SLC2A9: variants seen among roughly 807,000 people sequenced by gnomAD.
The protein encoded by SLC2A9 is solute carrier family 2, facilitated glucose transporter member 9.
Under a neutral mutation model 50.6 loss-of-function variants are expected in SLC2A9, and 39 were observed. The observed-to-expected ratio is 0.77, with a 90% CI of 0.60 to 1.01. The LOEUF (loss-of-function observed/expected upper bound fraction) is 1.01. Among genes scored for constraint, SLC2A9 ranks in the 50% least tolerant of loss-of-function variants. SLC2A9 has a pLI of 0.00. For synonymous variants in SLC2A9, 324 were observed against 276.9 expected (o/e 1.17, Z -1.69); for missense variants, 686 against 677.6 (o/e 1.01, Z -0.14).
At chr4:9,949,688 C>T (rs999208845) in intron 5 of SLC2A9, among the ~76,000 whole-genome samples, 12 of 152,174 alleles carry the variant, frequency 7.9e-5, no homozygotes, top group African/African-American at 2.9e-4. Context: ...CTCATGGTGG[C>T]AGCTGCTAGC....
intron 2 of SLC2A9, among the ~76,000 whole-genome samples, chr4:10,018,589 T>TAGATAGACAAAC (rs1553915108): frequency 8.3e-4 from 126 of 151,142 alleles, no homozygotes; most frequent in African/African-American, 2.9e-3. Context: ...GATAGATAGA[T>TAGATAGACAAAC]AACAACAACA....
At chr4:9,976,470 G>A (rs4505821) in intron 5 of SLC2A9, among the ~76,000 whole-genome samples, 29,796 of 152,114 alleles carry the variant, frequency 0.2, 3,141 homozygotes, top group African/African-American at 0.22. Flanking sequence ...TCACTTGGCT[G>A]GAACACTGCA....
At chr4:9,919,708 C>A (rs769200955) in intron 7 of SLC2A9, among the ~76,000 whole-genome samples, 16 of 152,298 alleles carry the variant, frequency 1.1e-4, no homozygotes, top group Non-Finnish European at 1.5e-4. Context: ...AAGTGGTTGG[C>A]CAGCCTATTT....
At chr4:10,008,169 G>A (rs1761122493) in intron 2 of SLC2A9, among the ~76,000 whole-genome samples, 1 of 152,222 alleles carries the variant, frequency 6.6e-6, no homozygotes, top group South Asian at 2.1e-4. Flanking sequence ...ATGGGACCGA[G>A]TTCCTTTCCC....
intron 10 of SLC2A9, among the ~76,000 whole-genome samples, chr4:9,853,800 G>C (rs797015477): frequency 1.3e-5 from 2 of 151,338 alleles, no homozygotes; most frequent in African/African-American, 4.9e-5. Flanking sequence ...CCACACCCTT[G>C]GAACACAGTG....
At chr4:9,789,676 A>C (rs1266322674) in intron 3 of SLC2A9, among the ~76,000 whole-genome samples, 1 of 152,238 alleles carries the variant, frequency 6.6e-6, no homozygotes. Context: ...GCTTAAAGGG[A>C]ATATGAGTAC....
chr4:9,855,321 C>T (rs2109345542), intron 10 of SLC2A9, among the ~76,000 whole-genome samples: 1 of 152,208 alleles, frequency 6.6e-6, no homozygotes, highest in Middle Eastern at 3.4e-3. Context: ...CAACAACATC[C>T]AAGCTGAGCA....
intron 10 of SLC2A9, among the ~76,000 whole-genome samples, chr4:9,873,743 A>G (rs1396626879): frequency 6.6e-6 from 1 of 152,222 alleles, no homozygotes; most frequent in African/African-American, 2.4e-5. Context: ...AGCCTGGGCC[A>G]GAAGAGCAAA....
chr4:9,867,816 T>A (rs760462210), intron 10 of SLC2A9, among the ~76,000 whole-genome samples: 14 of 152,212 alleles, frequency 9.2e-5, no homozygotes, highest in Non-Finnish European at 1.5e-4. Context: ...TGAGATCTAA[T>A]GGACTGCCCC....
chr4:9,960,330 C>T (rs1252143087), intron 5 of SLC2A9, among the ~76,000 whole-genome samples: 1 of 152,228 alleles, frequency 6.6e-6, no homozygotes, highest in Admixed American at 6.5e-5. Context: ...CCCCAGGTAT[C>T]ACCCTCTATA....
chr4:9,777,244 G>A (rs1260213518), downstream of SLC2A9, among the ~76,000 whole-genome samples: 1 of 151,352 alleles, frequency 6.6e-6, no homozygotes, highest in East Asian at 1.9e-4. Context: ...TAGCTGAAAT[G>A]GCAATCTTGT....
intron 10 of SLC2A9, among the ~76,000 whole-genome samples, chr4:9,841,477 G>T (rs1728074937): frequency 6.6e-6 from 1 of 151,990 alleles, no homozygotes; most frequent in Non-Finnish European, 1.5e-5. Flanking sequence ...GAGCTACTTT[G>T]TCCAGATTGC....
intron 10 of SLC2A9, among the ~76,000 whole-genome samples, chr4:9,871,132 C>T (rs1018441641): frequency 6.6e-6 from 1 of 152,118 alleles, no homozygotes; most frequent in Non-Finnish European, 1.5e-5. Context: ...CTTGAAAAAG[C>T]AGAAAGTGCA....
At chr4:9,992,024 G>C (rs937892034) in intron 3 of SLC2A9, among the ~76,000 whole-genome samples, 1 of 152,184 alleles carries the variant, frequency 6.6e-6, no homozygotes, top group African/African-American at 2.4e-5. Flanking sequence ...CCTTTTAAAG[G>C]GTTGAAGTAG....
intron 10 of SLC2A9, among the ~76,000 whole-genome samples, chr4:9,843,677 G>T (rs1359738129): frequency 6.6e-6 from 1 of 152,092 alleles, no homozygotes; most frequent in Non-Finnish European, 1.5e-5. Flanking sequence ...GATTTTATGG[G>T]GTCATTGCAA....
At chr4:9,933,132 C>T (rs901406347) in intron 6 of SLC2A9, among the ~76,000 whole-genome samples, 6 of 152,188 alleles carry the variant, frequency 3.9e-5, no homozygotes, top group African/African-American at 1.4e-4. Flanking sequence ...TCTGTAAGAC[C>T]ACAGAATCTG....
At chr4:9,890,833 T>C (rs1163112196) in intron 8 of SLC2A9, 122 bp from the exon 9 acceptor site, 8 of 801,570 alleles carry the variant, frequency 1.0e-5, no homozygotes, top group East Asian at 5.3e-5. Flanking sequence ...CCTGAGACAG[T>C]TGGGCCACCT....
chr4:9,862,196 G>C (rs1206503364), intron 10 of SLC2A9, among the ~76,000 whole-genome samples: 1 of 152,042 alleles, frequency 6.6e-6, no homozygotes, highest in South Asian at 2.1e-4. Flanking sequence ...AGAACAAAGG[G>C]TAACCAGTGA....
intron 1 of SLC2A9, among the ~76,000 whole-genome samples, chr4:9,772,825 A>ATT (rs71179491): frequency 0.012 from 1,796 of 147,864 alleles, 89 homozygotes; most frequent in Admixed American, 0.091. Context: ...TTTTTTTTTT[A>ATT]TTTTTTTTTT....
Sources: gnomAD v4.1 joint callset for allele counts (sites outside exome capture counted in the v4.1 genomes callset) on GRCh38, gnomAD v4.1.1 for gene constraint, MANE v1.5 for transcripts, NCBI Gene and HGNC (gene_info 2026-07-23, HGNC 2026-07-21) for gene names.